The following CHL1 variants were observed in gnomAD, a reference collection of about 807,000 sequenced individuals.
The protein encoded by CHL1 is neural cell adhesion molecule L1-like protein.
A neutral mutation model predicts 141.9 loss-of-function variants in CHL1; 96 were observed. The observed-to-expected ratio is 0.68, with a 90% confidence interval of 0.57 to 0.80. The LOEUF is 0.80. Ranked by LOEUF, CHL1 falls within the 30% of genes least tolerant of loss-of-function variation. The pLI is 0.00. For missense variants in CHL1, 1,820 were observed against 1,457.2 expected, an observed-to-expected ratio of 1.25 and a Z score of -4.05; for synonymous variants, 613 against 502.2, an observed-to-expected ratio of 1.22 and a Z score of -2.95.
intron 1 of CHL1, among the ~76,000 whole-genome samples, chr3:203,795 A>C (rs1311856628): frequency 2.0e-5 from 3 of 152,248 alleles, no homozygotes; most frequent in African/African-American, 7.2e-5. Context: ...GTAAGACGGC[A>C]AGGGAGCCTA....
chr3:292,856 C>A (rs920731349), intron 2 of CHL1, among the ~76,000 whole-genome samples: 1 of 152,162 alleles, frequency 6.6e-6, no homozygotes, highest in Non-Finnish European at 1.5e-5. Flanking sequence ...GGACAGCACC[C>A]AGCCATGAGG....
chr3:283,833 C>T (rs1378945562), intron 2 of CHL1, among the ~76,000 whole-genome samples: 1 of 152,194 alleles, frequency 6.6e-6, no homozygotes, highest in Non-Finnish European at 1.5e-5. Context: ...AAAAATCCCT[C>T]TCCTCCACCC....
chr3:364,354 A>G (rs540035366), intron 14 of CHL1, among the ~76,000 whole-genome samples: 7 of 152,300 alleles, frequency 4.6e-5, no homozygotes, highest in African/African-American at 1.7e-4. Flanking sequence ...ACTTTTCAAG[A>G]TGCCCTCATG....
At chr3:309,480 T>C (rs1699570695) in intron 2 of CHL1, among the ~76,000 whole-genome samples, 1 of 151,320 alleles carries the variant, frequency 6.6e-6, no homozygotes, top group African/African-American at 2.4e-5. Context: ...CTTCTCTCTC[T>C]CTCTCTTTCT....
chr3:209,357 G>T (rs1699705616), intron 1 of CHL1, among the ~76,000 whole-genome samples: 1 of 152,194 alleles, frequency 6.6e-6, no homozygotes, highest in South Asian at 2.1e-4. Flanking sequence ...GCAAGAGAGA[G>T]GGATAGAAAG....
intron 5 of CHL1, among the ~76,000 whole-genome samples, chr3:331,700 A>G (rs948239469): frequency 6.6e-6 from 1 of 152,208 alleles, no homozygotes; most frequent in Non-Finnish European, 1.5e-5. Context: ...TTGATAATGC[A>G]TATAACTAAA....
intron 3 of CHL1, among the ~76,000 whole-genome samples, chr3:324,726 C>A (rs1249151748): frequency 6.6e-6 from 1 of 151,768 alleles, no homozygotes; most frequent in African/African-American, 2.4e-5. Context: ...ACAGCTTCAA[C>A]CTCCTGGTCT....
At chr3:284,789 C>A (rs1240566142) in intron 2 of CHL1, among the ~76,000 whole-genome samples, 1 of 150,690 alleles carries the variant, frequency 6.6e-6, no homozygotes, top group East Asian at 1.9e-4. Context: ...TTTTCTCCAA[C>A]CTCAGTAGAT....
rs1324498778 is a variant in CHL1, at chr3:328,344, T to G, written c.375T>G (p.Phe125Leu). The change falls in exon 5 of 28, where the codon TTT (phenylalanine) becomes TTG (leucine). Residue 125 changes from phenylalanine to leucine, a missense_variant. Phe to Leu is a conservative substitution (Grantham distance 22). Coordinates refer to ENST00000256509, the MANE Select transcript of CHL1 (RefSeq NM_006614.4). Reference sequence around the variant, plus strand: ...TCGCTATGTCAGAAGAAATAGAATTTATAGTTCCAAGTAAGTACTATAACG... The same window carrying G: ...TCGCTATGTCAGAAGAAATAGAATTGATAGTTCCAAGTAAGTACTATAACG... ...LGIAMSEEIEFIVPSVPKFPK... is the reference protein window; with the variant it reads ...LGIAMSEEIELIVPSVPKFPK... 6.2e-7 allele frequency: 1 copy of G among 1,610,638 alleles called. No individual in the cohort carries two copies. Among genetic ancestry groups the G allele is most frequent in the East Asian group, 2.2e-5 (1 of 44,786 alleles).
chr3:361,306 C>T (rs1422079237), intron 12 of CHL1, among the ~76,000 whole-genome samples: 1 of 145,276 alleles, frequency 6.9e-6, no homozygotes, highest in South Asian at 2.3e-4. Context: ...AGGACATAGG[C>T]ATGGGCAAGG....
rs745882141 is a variant in CHL1, at chr3:342,997, T to A, written c.693T>A (p.Asn231Lys). 2 of 1,609,442 alleles carry A rather than the reference T, an allele frequency of 1.2e-6. No homozygotes were observed. The highest frequency in any genetic ancestry group is 1.7e-6 in the Non-Finnish European group (2 of 1,178,296). ...KLTVNSLKHA[N>K]DSSSSTEIGS... ...TTTTTATTTCAGTAAAGCATGCTAA[T>A]GACTCAAGTTCATCCACAGAAATTG... The change falls in exon 8 of 28, where the codon AAT (asparagine) becomes AAA (lysine). Residue 231 changes from asparagine to lysine, a missense_variant. Asn to Lys is a moderately conservative substitution (Grantham distance 94). Transcript: ENST00000256509.
intron 2 of CHL1, among the ~76,000 whole-genome samples, chr3:251,356 A>T (rs1693678105): frequency 1.3e-5 from 2 of 152,084 alleles, no homozygotes; most frequent in South Asian, 2.1e-4. Context: ...TCCAGCTTTA[A>T]CTCAGCAACT....
chr3:374,762 G>GAT (rs1706104473), intron 15 of CHL1, among the ~76,000 whole-genome samples: 1 of 152,180 alleles, frequency 6.6e-6, no homozygotes, highest in Non-Finnish European at 1.5e-5. Flanking sequence ...CATGCACGGT[G>GAT]ATATAGCAGG....
At chr3:367,870 T>A (rs1408788326) in intron 15 of CHL1, among the ~76,000 whole-genome samples, 3 of 151,584 alleles carry the variant, frequency 2.0e-5, no homozygotes, top group Non-Finnish European at 1.5e-5. Flanking sequence ...TTCTCCCACA[T>A]GTTTGCTGAT....
chr3:286,176 T>G (rs912179035), intron 2 of CHL1, among the ~76,000 whole-genome samples: 1 of 152,188 alleles, frequency 6.6e-6, no homozygotes, highest in Non-Finnish European at 1.5e-5. Flanking sequence ...CCAGTTTGTC[T>G]CCTGCAAGGC....
rs768727573 is a variant in CHL1 at position 328,148 on chromosome 3, G to A, written c.198-19G>A. ...TGTCATTATTTTTCAGGATTATTAA[G>A]TTCAGTTTTATGTTTTAGATTTTCG... On this transcript the variant is annotated intron_variant, in intron 4 of 27. Coordinates refer to ENST00000256509, the MANE Select transcript of CHL1 (RefSeq NM_006614.4). 2 of 1,583,978 alleles carry A rather than the reference G, an allele frequency of 1.3e-6. No homozygotes were observed. Among genetic ancestry groups the A allele is most frequent in the Non-Finnish European group, 1.7e-6 (2 of 1,160,510 alleles).
intron 6 of CHL1, 120 bp from the exon 7 acceptor site, chr3:341,792 G>A: frequency 2.5e-6 from 2 of 813,442 alleles, no homozygotes; most frequent in Non-Finnish European, 3.7e-6. Context: ...AGACTTGAGA[G>A]GAATTAAAGA....
chr3:378,068 G>A, intron 16 of CHL1, 126 bp downstream of exon 16: 4 of 764,078 alleles, frequency 5.2e-6, no homozygotes, highest in Non-Finnish European at 5.6e-6. Context: ...TCAAATTTTT[G>A]TTTAAAAAGC....
intron 27 of CHL1, among the ~76,000 whole-genome samples, chr3:403,517 A>G (rs1709305245): frequency 6.6e-6 from 1 of 152,164 alleles, no homozygotes. Context: ...ACTGCACTCC[A>G]GCCTGGGCAA....
Sources: allele counts gnomAD v4.1 joint callset (sites outside exome capture counted in the v4.1 genomes callset), GRCh38; gene constraint gnomAD v4.1.1; transcripts MANE v1.5; gene names NCBI Gene and HGNC (gene_info 2026-07-23, HGNC 2026-07-21).